The following DNM2 variants were observed in gnomAD, a reference collection of about 807,000 sequenced individuals.
The protein encoded by DNM2 is dynamin-2.
Under a neutral mutation model 99.0 loss-of-function variants are expected in DNM2, and 15 were observed. The observed-to-expected ratio is 0.15, with a 90% CI of 0.10 to 0.23. The LOEUF (loss-of-function observed/expected upper bound fraction) is 0.23, where lower values mean the gene tolerates loss of function less well. Among genes scored for constraint, DNM2 ranks in the 10% least tolerant of loss-of-function variants. The pLI, the probability that DNM2 is intolerant of heterozygous loss-of-function variation, is 1.00. For missense variants in DNM2, 742 were observed against 1,189.4 expected (o/e 0.62, Z 5.53); for synonymous variants, 525 against 481.2 (o/e 1.09, Z -1.19).
At chr19:10,756,648 T>C (rs1316660196) in intron 1 of DNM2, among the ~76,000 whole-genome samples, 2 of 152,142 alleles carry the variant, frequency 1.3e-5, no homozygotes, top group Non-Finnish European at 2.9e-5. Context: ...GAGAGCTGAC[T>C]GTGCTGCCTG....
rs1314677389 is a variant in DNM2 at position 10,777,167 on chromosome 19, C to T, written c.639C>T (p.Gly213=). ...CCAAGCTTGACCTGATGGACGAGGG[C>T]ACCGACGCCAGGGACGTCTTGGAGA... The part of the protein sequence containing the change: ...VITKLDLMDE[G]TDARDVLENK... Residue 213 remains glycine (G), a synonymous_variant, in exon 5 of 21, where the codon GGC becomes GGT. Coordinates refer to ENST00000389253, the MANE Select transcript of DNM2 (RefSeq NM_001005361.3). The T allele has an allele frequency of 6.2e-6, 10 of 1,614,182 alleles. No individual in the cohort carries two copies. The highest frequency in any genetic ancestry group is 8.5e-6 in the Non-Finnish European group (10 of 1,180,034).
chr19:10,726,142 C>T (rs2069106746), intron 1 of DNM2, among the ~76,000 whole-genome samples: 1 of 151,302 alleles, frequency 6.6e-6, no homozygotes, highest in African/African-American at 2.4e-5. Flanking sequence ...TCGCTTGAAC[C>T]TGGGAGGCGG....
chr19:10,734,723 A>ATTT (rs916955979), intron 1 of DNM2, among the ~76,000 whole-genome samples: 5 of 144,334 alleles, frequency 3.5e-5, no homozygotes, highest in East Asian at 2.0e-4. Flanking sequence ...TTAAAAAAAA[A>ATTT]TTTTTTTTTT....
chr19:10,752,003 G>A (rs891488558), intron 1 of DNM2, among the ~76,000 whole-genome samples: 7 of 152,206 alleles, frequency 4.6e-5, no homozygotes, highest in African/African-American at 1.7e-4. Context: ...CCCATTGGCC[G>A]GGGTCGGGTC....
chr19:10,796,305 C>T lies in DNM2; in HGVS notation c.1196+866C>T, dbSNP rs2071931392. ...ATTGGCCCCCACTGGTGCCTTTTCTCCCCATATCGCTTTGTGTCCGTGAAC... is the reference window on the plus strand; with the variant it reads ...ATTGGCCCCCACTGGTGCCTTTTCTTCCCATATCGCTTTGTGTCCGTGAAC... On this transcript the variant is annotated intron_variant, in intron 9 of 20. Transcript: ENST00000389253. This position sits in a 1 kb window ranked among gnomAD's most constrained non-coding sequence, Gnocchi z 5.6. The T allele has an allele frequency of 1.3e-6, 2 of 1,531,728 alleles. No individual in the cohort carries two copies. The highest frequency in any genetic ancestry group is 1.7e-5 in the Admixed American group (1 of 59,304). 94.9% of individuals were successfully genotyped at this position (1,531,728 alleles called of 1,614,324 possible).
intron 1 of DNM2, among the ~76,000 whole-genome samples, chr19:10,720,401 CG>C (rs2068901492): frequency 6.6e-6 from 1 of 151,494 alleles, no homozygotes. Flanking sequence ...TTAGTAGAGA[CG>C]GGGTTTCACC....
intron 7 of DNM2, among the ~76,000 whole-genome samples, chr19:10,789,447 G>A (rs568297594): frequency 6.6e-5 from 10 of 152,088 alleles, no homozygotes; most frequent in African/African-American, 2.2e-4. Flanking sequence ...CCCAGCACAT[G>A]GGGATGCCAA....
At chr19:10,773,225 G>A (rs1187251008) in intron 3 of DNM2, among the ~76,000 whole-genome samples, 5 of 148,006 alleles carry the variant, frequency 3.4e-5, no homozygotes, top group Non-Finnish European at 7.4e-5. Context: ...TCAGCTCACT[G>A]CAGTCTCCGC....
intron 1 of DNM2, among the ~76,000 whole-genome samples, chr19:10,727,741 C>G (rs1335787920): frequency 6.6e-6 from 1 of 152,136 alleles, no homozygotes; most frequent in African/African-American, 2.4e-5. Flanking sequence ...CCCTGTCTCG[C>G]TGTCGCTCTC....
In DNM2 at chr19:10,820,470, G is replaced by A. The variant is rs1299953717; in HGVS notation, c.1781+381G>A. 2.6e-5 allele frequency among the ~76,000 whole-genome samples: 4 copies of A among 152,252 alleles called. No individual in the cohort carries two copies. Among genetic ancestry groups the A allele is most frequent in the South Asian group, 2.1e-4 (1 of 4,838 alleles). ...AGGCCGCTGCCTTGTCCAAGTGGGC[G>A]ATGATGGGGCCAGAACCCATAGGGA... is the stretch of plus-strand genomic sequence containing the variant. On this transcript the variant is annotated intron_variant, in intron 16 of 20. Coordinates refer to ENST00000389253, the MANE Select transcript of DNM2 (RefSeq NM_001005361.3). The surrounding 1 kb of genome is among the most constrained non-coding windows in gnomAD (Gnocchi z 4.3).
chr19:10,811,445 C>G lies in DNM2; in HGVS notation c.1558-819C>G. The G allele has an allele frequency of 2.9e-6, 1 of 343,274 alleles. No homozygotes were observed. 21.3% of individuals were successfully genotyped at this position (343,274 alleles called of 1,614,324 possible). A position where few individuals can be genotyped will look rare whatever the true frequency, so the allele number is the denominator to read the frequency against. ...CATGCCCTGCACTGGGGGATGCAGG[C>G]CAGCCCTTCGCAGCTGTCCATGGCC... On this transcript the variant is annotated intron_variant, in intron 14 of 20. Coordinates refer to ENST00000389253, the MANE Select transcript of DNM2 (RefSeq NM_001005361.3). This position sits in a 1 kb window ranked among gnomAD's most constrained non-coding sequence, Gnocchi z 5.4.
Sources: allele counts gnomAD v4.1 joint callset (sites outside exome capture counted in the v4.1 genomes callset), GRCh38; gene constraint gnomAD v4.1.1; non-coding constraint Gnocchi (gnomAD v3.1); transcripts MANE v1.5; gene names NCBI Gene and HGNC (gene_info 2026-07-23, HGNC 2026-07-21).